SLC5A10: variants seen among roughly 807,000 people sequenced by gnomAD.
SLC5A10 encodes solute carrier family 5 member 10, also known as sodium/mannose cotransporter SLC5A10.
SLC5A10 carries 55 observed loss-of-function variants against 68.9 expected under a neutral mutation model. That is an observed-to-expected ratio of 0.80 (90% CI 0.64 to 1.00). SLC5A10 has a LOEUF of 1.00. SLC5A10 is among the 50% of genes least tolerant of loss of function. The probability of loss-of-function intolerance (pLI) is 0.00; values close to 1 mark genes in which losing one functional copy is unlikely to be tolerated. For missense variants in SLC5A10, 732 were observed against 819.3 expected, an observed-to-expected ratio of 0.89 and a Z score of 1.30; for synonymous variants, 344 against 344.8, an observed-to-expected ratio of 1.00 and a Z score of 0.02.
At position 19,003,251 on chromosome 17, in the gene SLC5A10, C is replaced by T. The variant is rs2043777853; in HGVS notation, c.983-10159C>T. On this transcript the variant is annotated intron_variant, in intron 9 of 14. Coordinates refer to ENST00000395645, the MANE Select transcript of SLC5A10 (RefSeq NM_001042450.4). This position sits in a 1 kb window ranked among gnomAD's most constrained non-coding sequence, Gnocchi z 4.5. Reference sequence around the variant, plus strand: ...TATCTCGGTGCCTTCTTCTGGGGAACCAGAAACACCCTCCAACAATAAAGA... The same window carrying T: ...TATCTCGGTGCCTTCTTCTGGGGAATCAGAAACACCCTCCAACAATAAAGA... 6.6e-6 allele frequency among the ~76,000 whole-genome samples: 1 copy of T among 151,242 alleles called. No homozygotes were observed. Among genetic ancestry groups the T allele is most frequent in the Admixed American group, 6.6e-5 (1 of 15,178 alleles).
intron 9 of SLC5A10, among the ~76,000 whole-genome samples, chr17:18,981,732 G>A (rs2043137931): frequency 6.6e-6 from 1 of 152,210 alleles, no homozygotes; most frequent in Non-Finnish European, 1.5e-5. Context: ...CAGTGCAGAA[G>A]GCAGATAAGC....
rs2043581587 is a variant in SLC5A10, at chr17:18,996,801, G to C, written c.983-16609G>C. Among the ~76,000 whole-genome samples the C allele has an allele frequency of 2.0e-5, 3 of 152,308 alleles. No homozygotes were observed. Among genetic ancestry groups the C allele is most frequent in the Admixed American group, 6.5e-5 (1 of 15,292 alleles). Reference sequence around the variant, plus strand: ...GGCTTTTCTCCTAATGGGGGACCCTGTGTCCATTCCAACCTCTGAACCCAC... The same window carrying C: ...GGCTTTTCTCCTAATGGGGGACCCTCTGTCCATTCCAACCTCTGAACCCAC... On this transcript the variant is annotated intron_variant, in intron 9 of 14. Transcript: ENST00000395645. The surrounding 1 kb of genome is among the most constrained non-coding windows in gnomAD (Gnocchi z 4.4).
chr17:18,959,745 C>T (rs2042574997), intron 4 of SLC5A10, 82 bp downstream of exon 4: 2 of 1,300,858 alleles, frequency 1.5e-6, no homozygotes, highest in Non-Finnish European at 2.2e-6. Context: ...ACCACCGTGG[C>T]CTCACATCAG....
At chr17:18,982,081 G>GGC (rs2043152222) in intron 9 of SLC5A10, among the ~76,000 whole-genome samples, 1 of 152,218 alleles carries the variant, frequency 6.6e-6, no homozygotes, top group Admixed American at 6.5e-5. Context: ...TCCTGATGAG[G>GGC]GCTCGGAAAG....
At chr17:18,964,363 C>G (rs1031716037) in intron 5 of SLC5A10, among the ~76,000 whole-genome samples, 1 of 152,120 alleles carries the variant, frequency 6.6e-6, no homozygotes, top group Non-Finnish European at 1.5e-5. Context: ...CCCTGGGGCC[C>G]GAAAGTGCCT....
upstream of SLC5A10, among the ~76,000 whole-genome samples, chr17:18,951,042 C>T (rs2042360895): frequency 6.6e-6 from 1 of 152,236 alleles, no homozygotes. Context: ...TTTACCCGCA[C>T]CTCAGGGTTA....
chr17:18,963,466 T>C (rs956411735), intron 5 of SLC5A10, among the ~76,000 whole-genome samples: 1 of 152,232 alleles, frequency 6.6e-6, no homozygotes, highest in African/African-American at 2.4e-5. Flanking sequence ...AAGGCTGGGC[T>C]TCAGAACCAA....
At chr17:18,952,039 G>A, upstream of SLC5A10, 1 of 1,171,096 alleles carries the variant, frequency 8.5e-7, no homozygotes, top group East Asian at 2.7e-5. Flanking sequence ...TGAGGAAGCT[G>A]AACTGCATGG....
intron 9 of SLC5A10, among the ~76,000 whole-genome samples, chr17:18,989,072 G>T (rs1199057979): frequency 2.0e-5 from 3 of 152,226 alleles, no homozygotes; most frequent in Non-Finnish European, 2.9e-5. Flanking sequence ...CCTGTCCCTT[G>T]GCAGCAAGGG....
At chr17:18,986,421 A>G (rs1487637240) in intron 9 of SLC5A10, 1 of 152,156 alleles carries the variant, frequency 6.6e-6, no homozygotes, top group East Asian at 1.9e-4. Context: ...ATTTGTCACT[A>G]TTGGCTTTTA....
chr17:18,991,706 C>T (rs150486114), intron 9 of SLC5A10, among the ~76,000 whole-genome samples: 2 of 152,184 alleles, frequency 1.3e-5, no homozygotes, highest in African/African-American at 4.8e-5. Flanking sequence ...CCCCAGGTAC[C>T]GTTGTCAAAG....
Position 19,014,925 on chromosome 17 carries a change from C to A in SLC5A10, c.1091-124C>A, listed in dbSNP as rs1249289971. Reference sequence around the variant, plus strand: ...AACCTCCTCAGCTTCTCTCCCTCCCCGCCCTCTGCCTTGGAGGAGCATGCA... The same window carrying A: ...AACCTCCTCAGCTTCTCTCCCTCCCAGCCCTCTGCCTTGGAGGAGCATGCA... On this transcript the variant is annotated intron_variant, in intron 10 of 14. Transcript: ENST00000395645. 7 of 1,195,820 alleles carry A rather than the reference C, an allele frequency of 5.9e-6. No homozygotes were observed. In the East Asian group the frequency reaches 1.2e-4, roughly 21 times the overall value. The allele number at this position is 1,195,820 out of a possible 1,614,324, so 74.1% of individuals were successfully genotyped here.
chr17:19,021,574 C>T lies in SLC5A10; in HGVS notation c.*1143C>T, dbSNP rs2044265134. On this transcript the variant is annotated 3_prime_UTR_variant, in exon 15 of 15. Coordinates refer to ENST00000395645, the MANE Select transcript of SLC5A10 (RefSeq NM_001042450.4). This position sits in a 1 kb window ranked among gnomAD's most constrained non-coding sequence, Gnocchi z 4.1. ...CAGTGGGTGGTCAGCCCAAGGTGAA[C>T]CCACCCACCATGGCCAGGGTTCCTT... 2 of 368,222 alleles carry T rather than the reference C, an allele frequency of 5.4e-6. No homozygotes were observed. The highest frequency in any genetic ancestry group is 9.7e-6 in the Non-Finnish European group (2 of 206,654). 22.8% of individuals were successfully genotyped at this position (368,222 alleles called of 1,614,324 possible).
chr17:18,978,610 G>C (rs375449100), intron 9 of SLC5A10: 4 of 1,613,086 alleles, frequency 2.5e-6, no homozygotes, highest in Non-Finnish European at 3.4e-6. Flanking sequence ...TCTTGGCCTT[G>C]ACAAGTGCGT....
At position 19,019,812 on chromosome 17, in the gene SLC5A10, C is replaced by T. The variant is rs770766684; in HGVS notation, c.1510C>T (p.Arg504Trp). ...CCCACCGTGCGGAGAGCCAGACACG[C>T]GGCCAGCCGTCCTGGGGAGCATCCA... is the stretch of plus-strand genomic sequence containing the variant. Reference protein sequence around the residue: ...PAPPCGEPDTRPAVLGSIHYL... With the variant: ...PAPPCGEPDTWPAVLGSIHYL... The change falls in exon 13 of 15, where the codon CGG becomes TGG. Residue 504 changes from arginine (R) to tryptophan (W), a missense_variant. Physicochemically the swap from Arg to Trp is moderately radical, Grantham distance 101 (BLOSUM62 -3). Transcript: ENST00000395645. 1.9e-5 allele frequency: 31 copies of T among 1,613,256 alleles called. No homozygotes were observed. Among genetic ancestry groups the T allele is most frequent in the East Asian group, 2.2e-5 (1 of 44,878 alleles).
intron 9 of SLC5A10, among the ~76,000 whole-genome samples, chr17:18,999,989 T>A (rs781668110): frequency 2.0e-5 from 3 of 152,188 alleles, no homozygotes; most frequent in Non-Finnish European, 4.4e-5. Context: ...AGCTAGAACA[T>A]CTACATCCAG....
chr17:19,006,125 C>T (rs2043883302), intron 9 of SLC5A10, among the ~76,000 whole-genome samples: 1 of 152,200 alleles, frequency 6.6e-6, no homozygotes, highest in Non-Finnish European at 1.5e-5. Context: ...GTTGTATGCA[C>T]CCAGTTTTCC....
intron 9 of SLC5A10, among the ~76,000 whole-genome samples, chr17:19,011,842 G>A (rs535286948): frequency 1.1e-4 from 16 of 151,828 alleles, no homozygotes; most frequent in African/African-American, 3.6e-4. Context: ...CCCCAGGCCA[G>A]CTGGCCTGGG....
chr17:18,956,218 A>C (rs1461593962), intron 1 of SLC5A10, among the ~76,000 whole-genome samples: 2 of 150,814 alleles, frequency 1.3e-5, no homozygotes, highest in Non-Finnish European at 3.0e-5. Flanking sequence ...TAAATAAATA[A>C]ATAAATAAAT....
Sources: gnomAD v4.1 joint callset for allele counts (sites outside exome capture counted in the v4.1 genomes callset) on GRCh38, gnomAD v4.1.1 for gene constraint, Gnocchi (gnomAD v3.1) non-coding constraint, MANE v1.5 for transcripts, NCBI Gene and HGNC (gene_info 2026-07-23, HGNC 2026-07-21) for gene names.